The following ROBO1 variants were observed in gnomAD, a reference collection of about 807,000 sequenced individuals.
The protein encoded by ROBO1 is roundabout guidance receptor 1.
Under a neutral mutation model 195.9 loss-of-function variants are expected in ROBO1, and 149 were observed. The observed-to-expected ratio is 0.76, with a 90% CI of 0.67 to 0.87. The LOEUF is 0.87. ROBO1 is among the 40% of genes least tolerant of loss of function. The pLI, the probability that ROBO1 is intolerant of heterozygous loss-of-function variation, is 0.00. For missense variants in ROBO1, 1,933 were observed against 2,068.3 expected (o/e 0.93, Z 1.27); for synonymous variants, 816 against 733.2 (o/e 1.11, Z -1.82).
chr3:79,194,527 G>A (rs141235439), intron 2 of ROBO1, among the ~76,000 whole-genome samples: 226 of 151,708 alleles, frequency 1.5e-3, no homozygotes, highest in African/African-American at 5.2e-3. Context: ...AGGTTCTCAA[G>A]TGCCTGGCTT....
chr3:79,581,342 C>A (rs1323285871), intron 2 of ROBO1, among the ~76,000 whole-genome samples: 1 of 151,958 alleles, frequency 6.6e-6, no homozygotes, highest in Non-Finnish European at 1.5e-5. Flanking sequence ...TTAGGTGGAC[C>A]GTGTGGCACG....
chr3:79,430,388 C>A (rs116208984), intron 2 of ROBO1, among the ~76,000 whole-genome samples: 5,244 of 152,090 alleles, frequency 0.034, 209 homozygotes, highest in African/African-American at 0.098. Flanking sequence ...GTAAACAAAT[C>A]AAAAATTCTT....
intron 2 of ROBO1, among the ~76,000 whole-genome samples, chr3:79,263,376 C>T (rs1301529690): frequency 2.6e-5 from 4 of 151,984 alleles, no homozygotes; most frequent in Admixed American, 6.6e-5. Flanking sequence ...GGGCTGGGTG[C>T]CATGGCTCAT....
intron 2 of ROBO1, among the ~76,000 whole-genome samples, chr3:79,403,998 T>C (rs1208964955): frequency 6.6e-6 from 1 of 152,072 alleles, no homozygotes; most frequent in Non-Finnish European, 1.5e-5. Context: ...ATCACTTTTA[T>C]AAAAATAAAA....
intron 2 of ROBO1, among the ~76,000 whole-genome samples, chr3:79,182,209 A>C (rs922958067): frequency 9.2e-5 from 14 of 152,166 alleles, no homozygotes; most frequent in Non-Finnish European, 1.9e-4. Context: ...ATTGCTCTTT[A>C]GCATCTATAG....
chr3:78,918,099 A>C (rs1404848624), intron 4 of ROBO1, among the ~76,000 whole-genome samples: 2 of 152,208 alleles, frequency 1.3e-5, no homozygotes, highest in Non-Finnish European at 2.9e-5. Flanking sequence ...AAACATGAAA[A>C]CATTAGATTG....
At chr3:78,711,325 C>CTCCT (rs147537177) in intron 8 of ROBO1, among the ~76,000 whole-genome samples, 2 of 104,870 alleles carry the variant, frequency 1.9e-5, no homozygotes, top group South Asian at 3.6e-4. Flanking sequence ...CTCTCTCTCT[C>CTCCT]TCCTTCCTTC....
chr3:79,527,233 A>G (rs974918001), intron 2 of ROBO1, among the ~76,000 whole-genome samples: 11 of 152,074 alleles, frequency 7.2e-5, no homozygotes, highest in African/African-American at 2.7e-4. Context: ...TCAATGTAAG[A>G]TTTACTTTTC....
At chr3:78,786,830 G>T (rs372254647) in intron 4 of ROBO1, among the ~76,000 whole-genome samples, 1 of 152,134 alleles carries the variant, frequency 6.6e-6, no homozygotes, top group Admixed American at 6.5e-5. Flanking sequence ...CCAGTCTCAG[G>T]TATTTCTTCA....
intron 2 of ROBO1, among the ~76,000 whole-genome samples, chr3:79,477,264 C>G (rs1938591207): frequency 6.6e-6 from 1 of 152,046 alleles, no homozygotes; most frequent in Non-Finnish European, 1.5e-5. Context: ...ATTCAAATAC[C>G]TTTTGAGGAT....
At chr3:78,893,098 C>G (rs1159787442) in intron 4 of ROBO1, among the ~76,000 whole-genome samples, 1 of 152,152 alleles carries the variant, frequency 6.6e-6, no homozygotes, top group Non-Finnish European at 1.5e-5. Flanking sequence ...CTTGACATCT[C>G]AAGATAAAAT....
At position 78,657,099 on chromosome 3, in the gene ROBO1, C is replaced by G. The variant is rs763914666; in HGVS notation, c.2613G>C (p.Leu871=). 5 of 1,604,020 alleles carry G rather than the reference C, an allele frequency of 3.1e-6. No individual in the cohort carries two copies. The Admixed American group carries it at 8.5e-5, about 27-fold the overall frequency. ...AACTGGATCTGCACTGACACTCACC[C>G]AGCTGGATGAACTGAGGCTCACTCT... ...GVKSEPQFIQ[L]DAHGNPVSPE... is the part of the protein sequence containing the mutation. Residue 871 remains leucine, a splice_region_variant and synonymous_variant, in exon 18 of 31, where the codon CTG becomes CTC. Transcript: ENST00000464233.
At chr3:79,681,160 T>C (rs1370502979) in intron 1 of ROBO1, among the ~76,000 whole-genome samples, 1 of 152,028 alleles carries the variant, frequency 6.6e-6, no homozygotes, top group African/African-American at 2.4e-5. Flanking sequence ...GGAGCTGATA[T>C]TTTGATAGAT....
At chr3:79,493,017 A>G (rs73848893) in intron 2 of ROBO1, among the ~76,000 whole-genome samples, 8,282 of 152,178 alleles carry the variant, frequency 0.054, 733 homozygotes, top group African/African-American at 0.19. Flanking sequence ...ACTATAAAAG[A>G]GAGTCAAAAT....
intron 1 of ROBO1, among the ~76,000 whole-genome samples, chr3:79,742,018 T>A (rs1333505770): frequency 6.6e-6 from 1 of 152,166 alleles, no homozygotes; most frequent in Non-Finnish European, 1.5e-5. Flanking sequence ...TCTAACAGCA[T>A]ATGGTCATAT....
At chr3:79,136,982 C>G (rs1167951732) in intron 2 of ROBO1, among the ~76,000 whole-genome samples, 1 of 151,970 alleles carries the variant, frequency 6.6e-6, no homozygotes, top group African/African-American at 2.4e-5. Context: ...AAAATTGCCA[C>G]TAAATATTGA....
intron 2 of ROBO1, among the ~76,000 whole-genome samples, chr3:79,149,282 G>A (rs980531463): frequency 6.6e-6 from 1 of 151,678 alleles, no homozygotes; most frequent in African/African-American, 2.4e-5. Flanking sequence ...ATATCCCAAG[G>A]CTCAAAGAGC....
At chr3:79,716,446 G>T (rs962518563) in intron 1 of ROBO1, among the ~76,000 whole-genome samples, 1 of 151,724 alleles carries the variant, frequency 6.6e-6, no homozygotes, top group Non-Finnish European at 1.5e-5. Context: ...GTACAGTAAG[G>T]TACCTGTATA....
intron 4 of ROBO1, among the ~76,000 whole-genome samples, chr3:78,900,544 T>C (rs941173214): frequency 1.3e-5 from 2 of 152,126 alleles, no homozygotes; most frequent in South Asian, 4.1e-4. Context: ...ACAAATACAT[T>C]GATGTTTTAA....
Sources: gnomAD v4.1 joint callset for allele counts (sites outside exome capture counted in the v4.1 genomes callset) on GRCh38, gnomAD v4.1.1 for gene constraint, MANE v1.5 for transcripts, NCBI Gene and HGNC (gene_info 2026-07-23, HGNC 2026-07-21) for gene names.